Variants in ITGB5 observed in about 807,000 individuals in gnomAD.
ITGB5 encodes the protein integrin beta-5.
ITGB5 carries 38 observed loss-of-function variants against 84.8 expected under a neutral mutation model. The ratio of observed to expected loss-of-function variants is 0.45; its 90% confidence interval spans 0.35 to 0.59. ITGB5 has a LOEUF of 0.59. Among genes scored for constraint, ITGB5 ranks in the 20% least tolerant of loss-of-function variants. The pLI is 0.01. For missense variants in ITGB5, 905 were observed against 1,034.5 expected, an observed-to-expected ratio of 0.87 and a Z score of 1.72; for synonymous variants, 393 against 414.4, an observed-to-expected ratio of 0.95 and a Z score of 0.63.
intron 9 of ITGB5, among the ~76,000 whole-genome samples, chr3:124,808,504 T>C (rs1172034339): frequency 2.0e-5 from 3 of 152,200 alleles, no homozygotes; most frequent in Non-Finnish European, 4.4e-5. Context: ...TCTTCACACA[T>C]CATTTGAATA....
chr3:124,898,643 CAAAAAAAAAA>C (rs68025034), intron 1 of ITGB5, among the ~76,000 whole-genome samples: 2 of 29,270 alleles, frequency 6.8e-5, no homozygotes, highest in Non-Finnish European at 1.3e-4. Context: ...GACTCCGTCT[CAAAAAAAAAA>C]AAAAAAAAAA....
chr3:124,872,055 G>A (rs1934083962), intron 2 of ITGB5, among the ~76,000 whole-genome samples: 1 of 152,048 alleles, frequency 6.6e-6, no homozygotes, highest in Non-Finnish European at 1.5e-5. Context: ...ACAGAGCTTG[G>A]ATCTGCCCTG....
At chr3:124,838,923 T>G (rs1559961798) in intron 5 of ITGB5, among the ~76,000 whole-genome samples, 1 of 152,214 alleles carries the variant, frequency 6.6e-6, no homozygotes, top group Non-Finnish European at 1.5e-5. Flanking sequence ...ATATTTTAAG[T>G]AGTATGACTG....
intron 11 of ITGB5, 112 bp downstream of exon 11, chr3:124,773,577 TG>T: frequency 1.2e-6 from 1 of 867,446 alleles, no homozygotes; most frequent in Non-Finnish European, 1.8e-6. Context: ...GCTTGCTGGG[TG>T]GGAGATGCAG....
At chr3:124,854,677 G>C (rs977003188) in intron 3 of ITGB5, among the ~76,000 whole-genome samples, 1 of 152,222 alleles carries the variant, frequency 6.6e-6, no homozygotes, top group African/African-American at 2.4e-5. Flanking sequence ...TCTGGAATCA[G>C]ACAGTGGTGT....
intron 8 of ITGB5, among the ~76,000 whole-genome samples, chr3:124,812,486 T>G (rs1182092132): frequency 1.4e-4 from 21 of 152,166 alleles, no homozygotes; most frequent in Admixed American, 1.4e-3. Flanking sequence ...GAAGTCACCC[T>G]CCACATGCAG....
At chr3:124,885,567 T>C (rs1934764815) in intron 1 of ITGB5, among the ~76,000 whole-genome samples, 1 of 152,170 alleles carries the variant, frequency 6.6e-6, no homozygotes, top group Admixed American at 6.5e-5. Context: ...AGTGCCTAAT[T>C]TCAAACTAAA....
At chr3:124,805,807 C>T (rs1025516408) in intron 9 of ITGB5, among the ~76,000 whole-genome samples, 25 of 151,982 alleles carry the variant, frequency 1.6e-4, no homozygotes, top group Non-Finnish European at 3.1e-4. Context: ...CCATTATAGT[C>T]TGCCAGATGT....
chr3:124,894,393 A>G (rs1266060902), intron 1 of ITGB5: 1 of 152,172 alleles, frequency 6.6e-6, no homozygotes, highest in African/African-American at 2.4e-5. Context: ...GCGGCCTCCC[A>G]AAGTGCTGGG....
intron 9 of ITGB5, among the ~76,000 whole-genome samples, chr3:124,802,070 T>G (rs1285219828): frequency 1.3e-5 from 2 of 152,228 alleles, no homozygotes; most frequent in Non-Finnish European, 2.9e-5. Context: ...CCCTTCTTCC[T>G]TGGGCTCCTG....
chr3:124,800,891 A>G (rs1032161280), intron 9 of ITGB5, among the ~76,000 whole-genome samples: 4 of 152,188 alleles, frequency 2.6e-5, no homozygotes, highest in African/African-American at 9.7e-5. Flanking sequence ...ATTCGCTCTG[A>G]GATTCCAGAG....
intron 9 of ITGB5, among the ~76,000 whole-genome samples, chr3:124,799,164 C>G (rs925644060): frequency 6.6e-6 from 1 of 152,210 alleles, no homozygotes; most frequent in African/African-American, 2.4e-5. Flanking sequence ...ACAAAAACAA[C>G]TCCAAGGCTA....
At position 124,775,389 on chromosome 3, in the gene ITGB5, T is replaced by C. The variant is rs182625462; in HGVS notation, c.1694-1477A>G. On this transcript the variant is annotated intron_variant, in intron 10 of 14. Transcript: ENST00000296181. ...GTGCGAGCATCTGTGTGTGTTGGAG[T>C]GTGTGTGTGAGGGTGTGTTGGAGTG... Among the ~76,000 whole-genome samples the C allele has an allele frequency of 2.3e-3, 353 of 151,022 alleles. 2 individuals are homozygous for C. The highest frequency in any genetic ancestry group is 0.019 in the South Asian group (91 of 4,740).
At chr3:124,788,963 G>A (rs1253997252) in intron 10 of ITGB5, among the ~76,000 whole-genome samples, 8 of 152,172 alleles carry the variant, frequency 5.3e-5, no homozygotes. Flanking sequence ...GGATGCTGAG[G>A]TGGGAGGATC....
intron 14 of ITGB5, among the ~76,000 whole-genome samples, 175 bp from the exon 15 acceptor site, chr3:124,763,893 C>T (rs2063729613): frequency 6.6e-6 from 1 of 152,204 alleles, no homozygotes; most frequent in Non-Finnish European, 1.5e-5. Flanking sequence ...CCAGGAAAGC[C>T]ATCGCCTTCT....
chr3:124,771,962 C>G lies in ITGB5; in HGVS notation c.1916+1728G>C, dbSNP rs1350343000. 2.6e-5 allele frequency among the ~76,000 whole-genome samples: 4 copies of G among 152,156 alleles called. No individual in the cohort carries two copies. In the East Asian group the frequency reaches 7.7e-4, roughly 29 times the overall value. On this transcript the variant is annotated intron_variant, in intron 11 of 14. Coordinates refer to ENST00000296181, the MANE Select transcript of ITGB5 (RefSeq NM_002213.5). ...CCTGCTGCTCCATAGGAAGGCAAGACTCATTTGATGAGCTCCATGTGTATT... is the reference window on the plus strand; with the variant it reads ...CCTGCTGCTCCATAGGAAGGCAAGAGTCATTTGATGAGCTCCATGTGTATT...
Position 124,809,034 on chromosome 3 carries a change from C to A in ITGB5, c.1251G>T (p.Lys417Asn), listed in dbSNP as rs1205999435. 1 of 1,614,104 alleles carries A rather than the reference C, an allele frequency of 6.2e-7. No individual in the cohort carries two copies. The highest frequency in any genetic ancestry group is 1.1e-5 in the South Asian group (1 of 91,062). Residue 417 changes from lysine to asparagine, a missense_variant, in exon 9 of 15, where the codon AAG becomes AAT. By Grantham distance (94) the Lys-to-Asn change is moderately conservative. This residue lies in a region of ITGB5 where 656 missense variants were observed against 734.7 expected (regional missense o/e 0.89). Transcript: ENST00000296181. Reference protein sequence around the residue: ...YPGQRKCEGLKIGDTASFEVS... With the variant: ...YPGQRKCEGLNIGDTASFEVS... ...GGGTGAGACTTACCGTGTCCCCAAT[C>A]TTCAGACCCTCACACTTCCTCTGAC...
At chr3:124,784,670 G>A (rs1328742647) in intron 10 of ITGB5, among the ~76,000 whole-genome samples, 1 of 152,206 alleles carries the variant, frequency 6.6e-6, no homozygotes, top group Non-Finnish European at 1.5e-5. Flanking sequence ...TCCTCTTCTA[G>A]GACCCTGAGA....
At chr3:124,826,121 A>G (rs1451381830) in intron 5 of ITGB5, among the ~76,000 whole-genome samples, 8 of 152,210 alleles carry the variant, frequency 5.3e-5, no homozygotes, top group Middle Eastern at 6.3e-3. Context: ...AAAATACCCC[A>G]TAATGTGGTT....
Sources: allele counts gnomAD v4.1 joint callset (sites outside exome capture counted in the v4.1 genomes callset), GRCh38; gene constraint gnomAD v4.1.1; regional missense constraint gnomAD v4.1.1; transcripts MANE v1.5; gene names NCBI Gene and HGNC (gene_info 2026-07-23, HGNC 2026-07-21).